The following FTSJ1 variants were observed in gnomAD, a reference collection of about 807,000 sequenced individuals.
The protein encoded by FTSJ1 is tRNA (cytidine(32)/guanosine(34)-2'-O)-methyltransferase.
A neutral mutation model predicts 28.5 loss-of-function variants in FTSJ1; 3 were observed. The ratio of observed to expected loss-of-function variants is 0.11; its 90% CI spans 0.05 to 0.27. FTSJ1 has a LOEUF of 0.27. FTSJ1 is among the 10% of genes least tolerant of loss of function. The pLI is 1.00. For missense variants in FTSJ1, 162 were observed against 279.0 expected, an observed-to-expected ratio of 0.58 and a Z score of 2.99; for synonymous variants, 104 against 113.9, an observed-to-expected ratio of 0.91 and a Z score of 0.55.
chrX:48,479,489 C>A (rs782407332), intron 5 of FTSJ1, among the ~76,000 whole-genome samples: 1 of 112,715 alleles, frequency 8.9e-6, no homozygotes, highest in Non-Finnish European at 1.9e-5. Flanking sequence ...TTCCATTAAT[C>A]TTTAACCTCA....
chrX:48,477,816 C>A (rs1556966791), intron 1 of FTSJ1, 145 bp from the exon 2 acceptor site: 2 of 438,916 alleles, frequency 4.6e-6, no homozygotes, highest in South Asian at 6.3e-5. Flanking sequence ...AGCAGTGGAG[C>A]CTGAGAGTTC....
intron 1 of FTSJ1, among the ~76,000 whole-genome samples, chrX:48,477,730 G>A (rs1334376947): frequency 9.0e-6 from 1 of 110,692 alleles, no homozygotes; most frequent in Non-Finnish European, 1.9e-5. Context: ...CCATCTATGG[G>A]ATGAATGTTG....
intron 1 of FTSJ1, chrX:48,476,694 G>A: frequency 7.8e-6 from 1 of 127,463 alleles, no homozygotes. Flanking sequence ...GACGGGGAGT[G>A]TGGTCAGAAG....
chrX:48,479,019 A>C lies in FTSJ1; in HGVS notation c.283-19A>C, dbSNP rs782225463. On this transcript the variant is annotated intron_variant, in intron 4 of 12. Transcript: ENST00000348411. The stretch of plus-strand genomic sequence containing the variant: ...GCAGTGGAGGGCCGTGGGGCCACTC[A>C]TCCTCCCTCTCTCCATAGCTGTCCA... 3 of 1,162,014 alleles carry C rather than the reference A, an allele frequency of 2.6e-6. No homozygotes were observed. In the Admixed American group the frequency reaches 6.5e-5, roughly 25 times the overall value.
At chrX:48,479,637 A>G (rs924995873) in intron 5 of FTSJ1, among the ~76,000 whole-genome samples, 1 of 112,366 alleles carries the variant, frequency 8.9e-6, no homozygotes, top group South Asian at 3.7e-4. Context: ...TGAGAGGAAC[A>G]CTTGAGGCAG....
At chrX:48,483,632 T>G (rs1670241005) in intron 12 of FTSJ1, among the ~76,000 whole-genome samples, 2 of 110,649 alleles carry the variant, frequency 1.8e-5, no homozygotes, top group African/African-American at 6.6e-5. Flanking sequence ...ACTACAGGCA[T>G]GTACCACCAT....
rs149550806 is a variant in FTSJ1, at chrX:48,481,640, G to A, written c.580G>A (p.Ala194Thr). Residue 194 changes from alanine to threonine, a missense_variant, in exon 9 of 13, where the codon GCT (alanine) becomes ACT (threonine). Coordinates refer to ENST00000348411, the MANE Select transcript of FTSJ1 (RefSeq NM_012280.4). Reference sequence around the variant, plus strand: ...CCACCTTCCCCTGGCAGAGGCCTTCGCTGTCTGTCAGGGCTATGACCCTCC... The same window carrying A: ...CCACCTTCCCCTGGCAGAGGCCTTCACTGTCTGTCAGGGCTATGACCCTCC... ...SSRNSSIEAF[A>T]VCQGYDPPEG... 98 of 1,192,278 alleles carry A rather than the reference G, an allele frequency of 8.2e-5. No homozygotes were observed. In the Admixed American group the frequency reaches 8.5e-4, roughly 10 times the overall value.
In FTSJ1 at chrX:48,482,433, C is replaced by G; in HGVS notation, c.686C>G (p.Thr229Ser). Residue 229 changes from threonine to serine, a missense_variant, in exon 10 of 13, where the codon ACC (threonine) becomes AGC (serine). By Grantham distance (58) the Thr-to-Ser change is moderately conservative (BLOSUM62 1). Coordinates refer to ENST00000348411, the MANE Select transcript of FTSJ1 (RefSeq NM_012280.4). ...GATTTCAACCAGCTGGATGGTCCCACCCGCATCATTGTGCCTTTTGTGACC... is the reference window on the plus strand; with the variant it reads ...GATTTCAACCAGCTGGATGGTCCCAGCCGCATCATTGTGCCTTTTGTGACC... ...DPDFNQLDGP[T>S]RIIVPFVTCG... 8.3e-7 allele frequency: 1 copy of G among 1,206,519 alleles called. No individual in the cohort carries two copies. The highest frequency in any genetic ancestry group is 1.1e-6 in the Non-Finnish European group (1 of 891,319).
chrX:48,480,206 A>G lies in FTSJ1; in HGVS notation c.362-945A>G, dbSNP rs1377013703. On this transcript the variant is annotated intron_variant, in intron 5 of 12. Coordinates refer to ENST00000348411, the MANE Select transcript of FTSJ1 (RefSeq NM_012280.4). ...GGAAATCATTGAGCAGGAGGAAAGC[A>G]GGAGTACCTGTTGGAATTTTAAATC... 3.6e-5 allele frequency among the ~76,000 whole-genome samples: 4 copies of G among 110,947 alleles called. No homozygotes were observed. In the East Asian group the frequency reaches 1.1e-3, roughly 31 times the overall value.
At position 48,482,674 on chromosome X, in the gene FTSJ1, G is replaced by A. The variant is rs374584069; in HGVS notation, c.837G>A (p.Thr279=). Residue 279 remains threonine, a synonymous_variant, in exon 11 of 13, where the codon ACG becomes ACA. Transcript: ENST00000348411. ...CGCCACCATACCAGGAGGCCTGCAC[G>A]TTGAAGAGGAAGGGGCAGCTGGCCA... ...PISPPYQEAC[T]LKRKGQLAKE... is the part of the protein sequence containing the mutation. 1.8e-5 allele frequency: 22 copies of A among 1,203,534 alleles called. No homozygotes were observed. In the Admixed American group the frequency reaches 2.9e-4, roughly 16 times the overall value.
At chrX:48,482,859 C>A in intron 11 of FTSJ1, 65 bp downstream of exon 11, 2 of 1,206,684 alleles carry the variant, frequency 1.7e-6, no homozygotes, top group South Asian at 3.5e-5. Context: ...TGACCCAAAT[C>A]TCATGGTTTC....
chrX:48,480,746 G>A (rs542032201), intron 5 of FTSJ1, among the ~76,000 whole-genome samples: 7 of 111,272 alleles, frequency 6.3e-5, no homozygotes, highest in South Asian at 3.8e-4. Flanking sequence ...GAGAGGATGC[G>A]GGGGGAGCAT....
intron 5 of FTSJ1, among the ~76,000 whole-genome samples, chrX:48,480,286 G>A (rs781958035): frequency 1.8e-5 from 2 of 111,225 alleles, no homozygotes; most frequent in Non-Finnish European, 3.8e-5. Flanking sequence ...GGAGGTGGGG[G>A]AGTAAGCTAT....
intron 12 of FTSJ1, among the ~76,000 whole-genome samples, chrX:48,484,512 T>A (rs1401689354): frequency 1.8e-5 from 2 of 110,853 alleles, no homozygotes; most frequent in Non-Finnish European, 3.8e-5. Flanking sequence ...GCCTCCTGAG[T>A]AGCTGGGATT....
intron 12 of FTSJ1, among the ~76,000 whole-genome samples, chrX:48,483,579 G>T (rs149168753): frequency 1.0e-3 from 114 of 110,427 alleles, no homozygotes; most frequent in African/African-American, 3.7e-3. Context: ...GTGATTTCCC[G>T]GGCTCAAAAA....
At chrX:48,480,987 G>A (rs1161524656) in intron 5 of FTSJ1, among the ~76,000 whole-genome samples, 164 bp from the exon 6 acceptor site, 1 of 111,599 alleles carries the variant, frequency 9.0e-6, no homozygotes, top group Non-Finnish European at 1.9e-5. Context: ...GAGTTCCTAA[G>A]GGTTAGGAGC....
intron 5 of FTSJ1, among the ~76,000 whole-genome samples, chrX:48,480,163 G>C (rs1556968053): frequency 2.7e-5 from 3 of 110,681 alleles, no homozygotes; most frequent in Admixed American, 9.7e-5. Flanking sequence ...AAGGTGGGGT[G>C]GGGGATGGGT....
At position 48,482,465 on chromosome X, in the gene FTSJ1, G is replaced by A; in HGVS notation, c.718G>A (p.Asp240Asn). 8.3e-7 allele frequency: 1 copy of A among 1,206,605 alleles called. No homozygotes were observed. Among genetic ancestry groups the A allele is most frequent in the East Asian group, 3.0e-5 (1 of 33,802 alleles). Residue 240 changes from aspartate to asparagine, a missense_variant, in exon 10 of 13, where the codon GAC becomes AAC. Physicochemically the swap from Asp to Asn is conservative, Grantham distance 23 (BLOSUM62 1). Coordinates refer to ENST00000348411, the MANE Select transcript of FTSJ1 (RefSeq NM_012280.4). ...RIIVPFVTCG[D>N]LSSYDSDRSY... ...CATTGTGCCTTTTGTGACCTGTGGG[G>A]ACCTGAGCTCCTATGATTCGGACCG...
At chrX:48,480,419 G>T (rs1348860616) in intron 5 of FTSJ1, among the ~76,000 whole-genome samples, 1 of 110,520 alleles carries the variant, frequency 9.0e-6, no homozygotes, top group Non-Finnish European at 1.9e-5. Flanking sequence ...AACAGAGTGA[G>T]GGGGGGAGAG....
Sources: gnomAD v4.1 joint callset for allele counts (sites outside exome capture counted in the v4.1 genomes callset) on GRCh38, gnomAD v4.1.1 for gene constraint, MANE v1.5 for transcripts, NCBI Gene and HGNC (gene_info 2026-07-23, HGNC 2026-07-21) for gene names.